The following ZNF507 variants were observed in gnomAD, a reference collection of about 807,000 sequenced individuals.
ZNF507 encodes the protein zinc finger protein 507.
ZNF507 carries 29 observed loss-of-function variants against 80.0 expected under a neutral mutation model. That is an observed-to-expected ratio of 0.36 (90% CI 0.27 to 0.49). The LOEUF (loss-of-function observed/expected upper bound fraction) is 0.49. Ranked by LOEUF, ZNF507 falls within the 20% of genes least tolerant of loss-of-function variation. The pLI, the probability that ZNF507 is intolerant of heterozygous loss-of-function variation, is 0.98. For synonymous variants in ZNF507, 462 were observed against 422.5 expected, an observed-to-expected ratio of 1.09 and a Z score of -1.15; for missense variants, 1,081 against 1,152.2, an observed-to-expected ratio of 0.94 and a Z score of 0.90.
chr19:32,357,512 G>A (rs1967268639), intron 4 of ZNF507: 2 of 152,182 alleles, frequency 1.3e-5, no homozygotes, highest in Non-Finnish European at 2.9e-5. Flanking sequence ...AGAGTGAAAT[G>A]TTTTACCATA....
chr19:32,359,276 A>G (rs1967290812), intron 4 of ZNF507: 1 of 152,226 alleles, frequency 6.6e-6, no homozygotes, highest in African/African-American at 2.4e-5. Flanking sequence ...GCTTGGCAGT[A>G]GTTATTAGCA....
rs1187899230 is a variant in ZNF507, at chr19:32,353,730, T to C, written c.900T>C (p.Gly300=). 2.5e-6 allele frequency: 4 copies of C among 1,614,026 alleles called. No individual in the cohort carries two copies. The change falls in exon 3 of 7, where the codon GGT becomes GGC. Residue 300 remains glycine, a synonymous_variant. Coordinates refer to ENST00000355898, the MANE Select transcript of ZNF507 (RefSeq NM_001136156.2). ...LLDSSAAAAP[G]GVDAVVIAIG... is the part of the protein sequence containing the mutation. ...ATTCTTCAGCAGCTGCTGCGCCTGG[T>C]GGGGTCGATGCAGTCGTCATTGCTA... is the stretch of plus-strand genomic sequence containing the variant.
In ZNF507 at chr19:32,353,931, T is replaced by C. The variant is rs751885894; in HGVS notation, c.1101T>C (p.Asp367=). The change falls in exon 3 of 7, where the codon GAT becomes GAC. Residue 367 remains aspartate, a synonymous_variant. Transcript: ENST00000355898. ...AAGAAATGCTAGAAGTGATTTCTGATGCAGAGGAGAATCTGATTCCTGATA... is the reference window on the plus strand; with the variant it reads ...AAGAAATGCTAGAAGTGATTTCTGACGCAGAGGAGAATCTGATTCCTGATA... ...NEEEMLEVIS[D]AEENLIPDSL... 6 of 1,614,162 alleles carry C rather than the reference T, an allele frequency of 3.7e-6. No individual in the cohort carries two copies. In the South Asian group the frequency reaches 6.6e-5, roughly 18 times the overall value.
chr19:32,356,791 CTTAGTTGTCA>C (rs747773425), intron 4 of ZNF507, 58 bp downstream of exon 4: 1 of 1,341,436 alleles, frequency 7.5e-7, no homozygotes, highest in East Asian at 2.3e-5. Flanking sequence ...TAAAAGTGCC[CTTAGTTGTCA>C]TGGTTGGTTA....
In ZNF507 at chr19:32,352,683, T is replaced by C. The variant is rs924777676; in HGVS notation, c.-2-146T>C. ...AACCAATTTAAATCTATACTGGGGA[T>C]CGCCGGGTGTGTGGACATGGAGCTT... On this transcript the variant is annotated intron_variant, in intron 2 of 6. Transcript: ENST00000355898. 4.9e-4 allele frequency: 307 copies of C among 620,654 alleles called. 1 individual carries two copies. Among genetic ancestry groups the C allele is most frequent in the Non-Finnish European group, 1.2e-4 (45 of 375,988 alleles). 38.4% of individuals were successfully genotyped at this position (620,654 alleles called of 1,614,324 possible). A position where few individuals can be genotyped will look rare whatever the true frequency, so the allele number is the denominator to read the frequency against.
intron 5 of ZNF507, among the ~76,000 whole-genome samples, chr19:32,361,262 A>G (rs1472837017): frequency 6.6e-6 from 1 of 152,210 alleles, no homozygotes; most frequent in Non-Finnish European, 1.5e-5. Flanking sequence ...TCCCAAAAGC[A>G]AATTCAGATA....
rs1967667759 is a variant in ZNF507 at position 32,384,814 on chromosome 19, G to C, written c.*1731G>C. 6.6e-6 allele frequency: 1 copy of C among 151,852 alleles called. No individual in the cohort carries two copies. Among genetic ancestry groups the C allele is most frequent in the Non-Finnish European group, 1.5e-5 (1 of 68,008 alleles). 9.4% of individuals were successfully genotyped at this position (151,852 alleles called of 1,614,324 possible). ...AGGTAGCTTTAATTTATTTATGAAA[G>C]TTAATCCATTTCTGATACGTGGTTT... is the stretch of plus-strand genomic sequence containing the variant. On this transcript the variant is annotated 3_prime_UTR_variant, in exon 7 of 7. Transcript: ENST00000355898.
chr19:32,366,081 C>G (rs1439250074), intron 5 of ZNF507, among the ~76,000 whole-genome samples: 1 of 152,020 alleles, frequency 6.6e-6, no homozygotes, highest in East Asian at 1.9e-4. Context: ...TCCAAAAATA[C>G]CCATTTTCCC....
intron 5 of ZNF507, chr19:32,380,672 T>C: frequency 6.6e-7 from 1 of 1,509,898 alleles, no homozygotes; most frequent in Non-Finnish European, 8.9e-7. Flanking sequence ...TTAACAAAAA[T>C]GTCTTTGGAA....
At chr19:32,364,086 G>A (rs1271052787) in intron 5 of ZNF507, among the ~76,000 whole-genome samples, 3 of 152,202 alleles carry the variant, frequency 2.0e-5, no homozygotes, top group Non-Finnish European at 2.9e-5. Context: ...TACCCAGCAT[G>A]TTACTTGGTG....
chr19:32,349,882 A>G (rs1967140271), intron 2 of ZNF507, among the ~76,000 whole-genome samples: 1 of 152,176 alleles, frequency 6.6e-6, no homozygotes, highest in Non-Finnish European at 1.5e-5. Flanking sequence ...TTCTTTCTTT[A>G]TTCTCATCCT....
At chr19:32,367,248 A>G (rs1247414252) in intron 5 of ZNF507, among the ~76,000 whole-genome samples, 1 of 152,166 alleles carries the variant, frequency 6.6e-6, no homozygotes, top group Non-Finnish European at 1.5e-5. Context: ...TTATTCATGA[A>G]TGGCTACACC....
chr19:32,381,968 T>C (rs1270609341), intron 5 of ZNF507: 1 of 152,360 alleles, frequency 6.6e-6, no homozygotes, highest in Non-Finnish European at 1.5e-5. Flanking sequence ...TTATTTGTTT[T>C]ATTTATGAAA....
At chr19:32,363,328 G>T (rs1967354910) in intron 5 of ZNF507, among the ~76,000 whole-genome samples, 1 of 152,172 alleles carries the variant, frequency 6.6e-6, no homozygotes, top group Admixed American at 6.5e-5. Flanking sequence ...TCTAAACTTT[G>T]CACAAGGGCA....
chr19:32,382,642 T>C (rs1222374503), intron 6 of ZNF507, 41 bp downstream of exon 6: 1 of 1,613,294 alleles, frequency 6.2e-7, no homozygotes, highest in Non-Finnish European at 8.5e-7. Context: ...TATATGTAAA[T>C]TAAAGCCAGG....
chr19:32,356,479 C>T (rs1012487552), intron 3 of ZNF507, 137 bp from the exon 4 acceptor site: 1 of 608,792 alleles, frequency 1.6e-6, no homozygotes, highest in African/African-American at 1.9e-5. Flanking sequence ...GTCAAATGAT[C>T]CTTTAGCAGA....
chr19:32,369,402 A>C (rs2216343), intron 5 of ZNF507, among the ~76,000 whole-genome samples: 1 of 152,120 alleles, frequency 6.6e-6, no homozygotes, highest in Admixed American at 6.5e-5. Context: ...GCATCCAGCA[A>C]TTCCACCAAG....
intron 4 of ZNF507, chr19:32,359,143 G>A (rs1249821444): frequency 1.3e-5 from 2 of 152,168 alleles, no homozygotes; most frequent in Admixed American, 6.5e-5. Flanking sequence ...TTGGAACAGT[G>A]CCATTTATAA....
chr19:32,354,440 T>C lies in ZNF507; in HGVS notation c.1610T>C (p.Leu537Ser). Residue 537 changes from leucine (L) to serine (S), a missense_variant, in exon 3 of 7, where the codon TTG becomes TCG. Coordinates refer to ENST00000355898, the MANE Select transcript of ZNF507 (RefSeq NM_001136156.2). ...AGTCAAAGGCAAGTAGATAGTACAT[T>C]GGCAGCGTACTCAAAAATGATGTCG... Reference protein sequence around the residue: ...DTSQRQVDSTLAAYSKMMSPL... With the variant: ...DTSQRQVDSTSAAYSKMMSPL... 1 of 1,614,128 alleles carries C rather than the reference T, an allele frequency of 6.2e-7. No homozygotes were observed. Among genetic ancestry groups the C allele is most frequent in the African/African-American group, 1.3e-5 (1 of 75,028 alleles).
Sources: allele counts gnomAD v4.1 joint callset (sites outside exome capture counted in the v4.1 genomes callset), GRCh38; gene constraint gnomAD v4.1.1; transcripts MANE v1.5; gene names NCBI Gene and HGNC (gene_info 2026-07-23, HGNC 2026-07-21).